The following PRPF3 variants were observed in gnomAD, a reference collection of about 807,000 sequenced individuals.
The protein encoded by PRPF3 is U4/U6 small nuclear ribonucleoprotein Prp3.
Under a neutral mutation model 89.2 loss-of-function variants are expected in PRPF3, and 3 were observed. That is an observed-to-expected ratio of 0.03 (90% CI 0.02 to 0.09). The LOEUF is 0.09. Ranked by LOEUF, PRPF3 falls within the 10% of genes least tolerant of loss-of-function variation. The probability of loss-of-function intolerance (pLI) is 1.00; values close to 1 mark genes in which losing one functional copy is unlikely to be tolerated. For missense variants in PRPF3, 463 were observed against 828.8 expected, an observed-to-expected ratio of 0.56 and a Z score of 5.42; for synonymous variants, 270 against 289.1, an observed-to-expected ratio of 0.93 and a Z score of 0.67.
At chr1:150,342,754 C>G (rs1350562061) in intron 9 of PRPF3, among the ~76,000 whole-genome samples, 2 of 152,062 alleles carry the variant, frequency 1.3e-5, no homozygotes, top group Non-Finnish European at 2.9e-5. Flanking sequence ...ATCTCTTGAC[C>G]TCGTGATCTG....
chr1:150,349,055 TA>T lies in PRPF3; in HGVS notation c.1844-97del, dbSNP rs1400810763. ...AAAAGAGAACACTTGGTCCAACACATAAAAAGGGTGATAATATTTTAGAGAG... is the reference window on the plus strand; with the variant it reads ...AAAAGAGAACACTTGGTCCAACACATAAAAGGGTGATAATATTTTAGAGAG... On this transcript the variant is annotated intron_variant, in intron 14 of 15. Transcript: ENST00000324862. 5 of 994,528 alleles carry T rather than the reference TA, an allele frequency of 5.0e-6. No homozygotes were observed. In the East Asian group the frequency reaches 7.2e-5, roughly 14 times the overall value. 61.6% of individuals were successfully genotyped at this position (994,528 alleles called of 1,614,324 possible).
At chr1:150,342,898 G>T (rs1413248548) in intron 9 of PRPF3, among the ~76,000 whole-genome samples, 3 of 152,238 alleles carry the variant, frequency 2.0e-5, no homozygotes, top group African/African-American at 7.2e-5. Context: ...CGAACTCTTG[G>T]GCTCACGCCA....
At chr1:150,325,125 G>C (rs1352970203) in intron 2 of PRPF3, 38 bp downstream of exon 2, 2 of 1,607,196 alleles carry the variant, frequency 1.2e-6, no homozygotes, top group Non-Finnish European at 1.7e-6. Flanking sequence ...TAACATATAG[G>C]GTGACCCCAA....
At chr1:150,349,266 ATAT>A in intron 15 of PRPF3, 48 bp downstream of exon 15, 1 of 1,319,966 alleles carries the variant, frequency 7.6e-7, no homozygotes, top group African/African-American at 1.4e-5. Context: ...CAACTCCTGA[ATAT>A]TTATACTATT....
At chr1:150,343,246 A>ATATAT (rs1377872241) in intron 9 of PRPF3, 63 bp from the exon 10 acceptor site, 1 of 399,408 alleles carries the variant, frequency 2.5e-6, no homozygotes. Context: ...AGAAAAAAAA[A>ATATAT]AAATATATAT....
At chr1:150,328,547 ATTTT>A (rs34437719) in intron 4 of PRPF3, 81 bp downstream of exon 4, 76 of 580,742 alleles carry the variant, frequency 1.3e-4, no homozygotes, top group East Asian at 2.0e-4. Context: ...TTATTGTGGA[ATTTT>A]TTTTTTTTTT....
At chr1:150,352,481 C>T (rs896297530) in intron 15 of PRPF3, among the ~76,000 whole-genome samples, 3 of 152,122 alleles carry the variant, frequency 2.0e-5, no homozygotes, top group Admixed American at 1.3e-4. Flanking sequence ...CTGGCTAACA[C>T]GGTGAAACCC....
chr1:150,336,540 G>A (rs587718837), intron 7 of PRPF3, among the ~76,000 whole-genome samples: 18 of 152,122 alleles, frequency 1.2e-4, no homozygotes, highest in East Asian at 1.9e-4. Context: ...GGTGGATCAC[G>A]AGGTCAGGAG....
At chr1:150,323,194 T>TTTTTTTC in intron 1 of PRPF3, among the ~76,000 whole-genome samples, 1 of 139,798 alleles carries the variant, frequency 7.2e-6, no homozygotes, top group Non-Finnish European at 1.6e-5. Context: ...TTTTTTTTTT[T>TTTTTTTC]TTTGGAGACA....
intron 4 of PRPF3, among the ~76,000 whole-genome samples, chr1:150,328,691 T>C (rs1295866007): frequency 1.3e-5 from 2 of 151,230 alleles, no homozygotes; most frequent in Non-Finnish European, 1.5e-5. Context: ...TAGCTGGGAT[T>C]AGAGGCACCC....
intron 7 of PRPF3, among the ~76,000 whole-genome samples, chr1:150,336,625 G>C (rs190776729): frequency 2.7e-3 from 404 of 152,012 alleles, no homozygotes; most frequent in African/African-American, 9.2e-3. Flanking sequence ...GCGTGGTGGT[G>C]GGTGCCTGTA....
intron 12 of PRPF3, 95 bp from the exon 13 acceptor site, chr1:150,345,923 G>T (rs1658233565): frequency 1.7e-5 from 16 of 939,568 alleles, no homozygotes; most frequent in Non-Finnish European, 2.8e-5. Flanking sequence ...TTTATAGAGA[G>T]GAAACCATTT....
At chr1:150,330,778 G>T (rs111291031) in intron 4 of PRPF3, among the ~76,000 whole-genome samples, 1 of 149,068 alleles carries the variant, frequency 6.7e-6, no homozygotes, top group African/African-American at 2.5e-5. Flanking sequence ...GTGTAATGGC[G>T]CTATCTCGGC....
intron 6 of PRPF3, among the ~76,000 whole-genome samples, chr1:150,333,755 G>C (rs782792367): frequency 6.6e-6 from 1 of 152,094 alleles, no homozygotes; most frequent in Non-Finnish European, 1.5e-5. Context: ...GGAGCTAGGA[G>C]TATAGCCAGG....
intron 12 of PRPF3, 113 bp downstream of exon 12, chr1:150,344,660 C>T: frequency 9.0e-7 from 1 of 1,115,762 alleles, no homozygotes; most frequent in Non-Finnish European, 1.3e-6. Flanking sequence ...TTCCTACTCT[C>T]TTTTAATGAC....
In PRPF3 at chr1:150,333,177, C is replaced by T. The variant is rs1553866211; in HGVS notation, c.706C>T (p.His236Tyr). 1 of 1,614,206 alleles carries T rather than the reference C, an allele frequency of 6.2e-7. No individual in the cohort carries two copies. Among genetic ancestry groups the T allele is most frequent in the Non-Finnish European group, 8.5e-7 (1 of 1,180,036 alleles). Reference sequence around the variant, plus strand: ...CAACATGGTGGGCCTGGCTAATCTCCATGCCATGGGCATTGCTCCCCCGTG... The same window carrying T: ...CAACATGGTGGGCCTGGCTAATCTCTATGCCATGGGCATTGCTCCCCCGTG... ...NANMVGLANL[H>Y]AMGIAPPKVE... Residue 236 changes from histidine to tyrosine, a missense_variant, in exon 6 of 16, where the codon CAT becomes TAT. Physicochemically the swap from His to Tyr is moderately conservative, Grantham distance 83 (BLOSUM62 2). Around this residue, in one of 8 missense-constraint regions of PRPF3, gnomAD observed 261 missense variants for 475.8 expected, o/e 0.55. Transcript: ENST00000324862.
intron 3 of PRPF3, chr1:150,327,994 GGTGA>G: frequency 2.9e-6 from 1 of 349,920 alleles, no homozygotes; most frequent in Non-Finnish European, 5.4e-6. Context: ...TCTTGGAGGA[GGTGA>G]GTTTTAGGCA....
At chr1:150,335,351 C>G in intron 7 of PRPF3, 110 bp downstream of exon 7, 1 of 1,290,076 alleles carries the variant, frequency 7.8e-7, no homozygotes, top group Non-Finnish European at 1.1e-6. Flanking sequence ...TCATTTAAAG[C>G]AGCAGTCCTC....
At chr1:150,327,610 G>T in intron 3 of PRPF3, 1 of 985,840 alleles carries the variant, frequency 1.0e-6, no homozygotes, top group Non-Finnish European at 1.2e-6. Context: ...CAAAACACGA[G>T]CCCTCCTAGT....
Sources: gnomAD v4.1 joint callset for allele counts (sites outside exome capture counted in the v4.1 genomes callset) on GRCh38, gnomAD v4.1.1 for gene constraint, gnomAD v4.1.1 regional missense constraint, MANE v1.5 for transcripts, NCBI Gene and HGNC (gene_info 2026-07-23, HGNC 2026-07-21) for gene names.